ICA1: variants seen among roughly 807,000 people sequenced by gnomAD.
ICA1 encodes the protein 69 kDa islet cell autoantigen.
In ICA1, 40 loss-of-function variants were observed where a neutral mutation model predicts 71.0. That is an observed-to-expected ratio of 0.56 (90% CI 0.44 to 0.73). The LOEUF is 0.73. Among genes scored for constraint, ICA1 ranks in the 30% least tolerant of loss-of-function variants. The probability of loss-of-function intolerance (pLI) is 0.00; values close to 1 mark genes in which losing one functional copy is unlikely to be tolerated. For synonymous variants in ICA1, 207 were observed against 209.5 expected, an observed-to-expected ratio of 0.99 and a Z score of 0.10; for missense variants, 578 against 576.5, an observed-to-expected ratio of 1.00 and a Z score of -0.03.
At chr7:8,227,181 A>C (rs948814722) in intron 4 of ICA1, among the ~76,000 whole-genome samples, 1 of 152,228 alleles carries the variant, frequency 6.6e-6, no homozygotes, top group Admixed American at 6.5e-5. Flanking sequence ...TAGTTTCCAG[A>C]ACACAAGGTT....
In ICA1 at chr7:8,148,734, C is replaced by G. The variant is rs569375368; in HGVS notation, c.805-4762G>C. Among the ~76,000 whole-genome samples, 8 of 152,076 alleles carry G rather than the reference C, an allele frequency of 5.3e-5. No homozygotes were observed. The South Asian group carries it at 1.7e-3, about 32-fold the overall frequency. ...GACAGAATTTGTAGACCAAACGAAG[C>G]TAAATACTCTTTGATATAGCAAGGA... On this transcript the variant is annotated intron_variant, in intron 8 of 13. Transcript: ENST00000402384.
intron 8 of ICA1, among the ~76,000 whole-genome samples, chr7:8,153,555 T>C (rs1248679369): frequency 2.6e-5 from 4 of 152,114 alleles, no homozygotes; most frequent in African/African-American, 9.7e-5. Context: ...TGAAAGTAAA[T>C]GACATCCTCG....
intron 13 of ICA1, among the ~76,000 whole-genome samples, chr7:8,124,190 G>C (rs551451112): frequency 6.9e-6 from 1 of 143,930 alleles, no homozygotes; most frequent in African/African-American, 2.6e-5. Flanking sequence ...GCGGGATCTC[G>C]GCTCACTGCA....
At chr7:8,196,584 G>A (rs1787658002) in intron 6 of ICA1, among the ~76,000 whole-genome samples, 1 of 152,190 alleles carries the variant, frequency 6.6e-6, no homozygotes, top group Admixed American at 6.5e-5. Context: ...GATGGTGAGG[G>A]AGGCTGTGTG....
chr7:8,244,557 T>C (rs1583739681), intron 1 of ICA1, among the ~76,000 whole-genome samples: 4 of 152,098 alleles, frequency 2.6e-5, no homozygotes. Context: ...AATACACACA[T>C]GGGATCTAAT....
At chr7:8,186,259 C>T (rs890491311) in intron 6 of ICA1, among the ~76,000 whole-genome samples, 3 of 152,170 alleles carry the variant, frequency 2.0e-5, no homozygotes, top group South Asian at 2.1e-4. Flanking sequence ...CAAACAGGGA[C>T]GCTCTCTGAG....
Position 8,232,618 on chromosome 7 carries a change from G to C in ICA1, c.155C>G (p.Ser52Cys). The C allele has an allele frequency of 6.2e-7, 1 of 1,612,780 alleles. No homozygotes were observed. ...TAGCTTGGCATCCAGGTCCGCGTCA[G>C]AGGCAACAACATGTTCATCTTCCTT... ...GKKEDEHVVA[S>C]DADLDAKLEL... Residue 52 changes from serine to cysteine, a missense_variant, in exon 3 of 14, where the codon TCT becomes TGT. Coordinates refer to ENST00000402384, the MANE Select transcript of ICA1 (RefSeq NM_001136020.3).
At chr7:8,211,596 G>A (rs1230032998) in intron 6 of ICA1, among the ~76,000 whole-genome samples, 4 of 152,120 alleles carry the variant, frequency 2.6e-5, no homozygotes. Context: ...AGATGAAAAT[G>A]TTCTACAGTT....
intron 1 of ICA1, among the ~76,000 whole-genome samples, chr7:8,245,952 C>G (rs2128504886): frequency 6.6e-6 from 1 of 152,278 alleles, no homozygotes; most frequent in Admixed American, 6.5e-5. Flanking sequence ...TTTGCAAATT[C>G]TGCTGTAAAA....
chr7:8,259,237 G>A (rs944954016), intron 1 of ICA1, among the ~76,000 whole-genome samples: 2 of 152,340 alleles, frequency 1.3e-5, no homozygotes, highest in Middle Eastern at 6.8e-3. Flanking sequence ...GGGTCTGGAA[G>A]AGAGTAGCAG....
rs1779523368 is a variant in ICA1, at chr7:8,173,499, A to G, written c.580-14847T>C. ...GGGCACCTGTAGAGAATGCTAATGA[A>G]CCAATTCAATATTTTGACAAAGAAA... On this transcript the variant is annotated intron_variant, in intron 6 of 13. Coordinates refer to ENST00000402384, the MANE Select transcript of ICA1 (RefSeq NM_001136020.3). The surrounding 1 kb of genome is among the most constrained non-coding windows in gnomAD (Gnocchi z 4.0). 6.6e-6 allele frequency among the ~76,000 whole-genome samples: 1 copy of G among 152,216 alleles called. No individual in the cohort carries two copies. The highest frequency in any genetic ancestry group is 6.5e-5 in the Admixed American group (1 of 15,270).
At chr7:8,230,296 A>T (rs1386319170) in intron 3 of ICA1, among the ~76,000 whole-genome samples, 4 of 152,234 alleles carry the variant, frequency 2.6e-5, no homozygotes, top group Non-Finnish European at 5.9e-5. Context: ...TTGCAATAGA[A>T]TCTGACCAAT....
At chr7:8,254,664 C>A (rs2128542610) in intron 1 of ICA1, among the ~76,000 whole-genome samples, 1 of 151,680 alleles carries the variant, frequency 6.6e-6, no homozygotes, top group South Asian at 2.1e-4. Flanking sequence ...CATGTACCCT[C>A]TAGGGCAGAC....
chr7:8,219,215 G>C (rs904292516), intron 5 of ICA1, among the ~76,000 whole-genome samples: 1 of 152,076 alleles, frequency 6.6e-6, no homozygotes. Context: ...ATTAAACTTT[G>C]GATAAAATAC....
At chr7:8,117,944 C>A (rs1785306756) in intron 13 of ICA1, among the ~76,000 whole-genome samples, 1 of 152,200 alleles carries the variant, frequency 6.6e-6, no homozygotes, top group South Asian at 2.1e-4. Flanking sequence ...CATCTCATTT[C>A]CTAGAGTCCT....
chr7:8,136,266 G>C (rs780734905), intron 12 of ICA1, among the ~76,000 whole-genome samples: 8 of 152,074 alleles, frequency 5.3e-5, no homozygotes, highest in Non-Finnish European at 8.8e-5. Context: ...ATTACCACAG[G>C]GAGTGAACCG....
At chr7:8,209,220 A>G (rs779415145) in intron 6 of ICA1, among the ~76,000 whole-genome samples, 1 of 152,356 alleles carries the variant, frequency 6.6e-6, no homozygotes, top group South Asian at 2.1e-4. Flanking sequence ...GAAATGTCAC[A>G]TGGAAAGATT....
At position 8,158,669 on chromosome 7, in the gene ICA1, G is replaced by T; in HGVS notation, c.580-17C>A. 1 of 1,613,298 alleles carries T rather than the reference G, an allele frequency of 6.2e-7. No individual in the cohort carries two copies. The highest frequency in any genetic ancestry group is 1.1e-5 in the South Asian group (1 of 90,954). On this transcript the variant is annotated splice_polypyrimidine_tract_variant and intron_variant, in intron 6 of 13. Transcript: ENST00000402384. ...TGTTTGTACCTATGAAAATAAAGAGGAATTTCTGAATCACCCTAACCCTTA... is the reference window on the plus strand; with the variant it reads ...TGTTTGTACCTATGAAAATAAAGAGTAATTTCTGAATCACCCTAACCCTTA...
intron 12 of ICA1, among the ~76,000 whole-genome samples, chr7:8,137,400 T>C (rs1434456593): frequency 6.6e-6 from 1 of 152,234 alleles, no homozygotes; most frequent in African/African-American, 2.4e-5. Context: ...TAAATACATT[T>C]GTTTACTGGT....
Sources: allele counts gnomAD v4.1 joint callset (sites outside exome capture counted in the v4.1 genomes callset), GRCh38; gene constraint gnomAD v4.1.1; non-coding constraint Gnocchi (gnomAD v3.1); transcripts MANE v1.5; gene names NCBI Gene and HGNC (gene_info 2026-07-23, HGNC 2026-07-21).